The following BRCA1 variants were observed in gnomAD, a reference collection of about 807,000 sequenced individuals.
The protein encoded by BRCA1 is BRCA1 DNA repair associated.
Under a neutral mutation model 173.7 loss-of-function variants are expected in BRCA1, and 140 were observed. That is an observed-to-expected ratio of 0.81 (90% CI 0.70 to 0.93). BRCA1 has a LOEUF of 0.93. Among genes scored for constraint, BRCA1 ranks in the 40% least tolerant of loss-of-function variants. The probability of loss-of-function intolerance (pLI) is 0.00; values close to 1 mark genes in which losing one functional copy is unlikely to be tolerated. For synonymous variants in BRCA1, 662 were observed against 756.0 expected, an observed-to-expected ratio of 0.88 and a Z score of 2.04; for missense variants, 1,983 against 2,172.5, an observed-to-expected ratio of 0.91 and a Z score of 1.73.
At chr17:43,087,523 A>G (rs1183453575) in intron 11 of BRCA1, among the ~76,000 whole-genome samples, 1 of 151,996 alleles carries the variant, frequency 6.6e-6, no homozygotes, top group Non-Finnish European at 1.5e-5. Context: ...TTAGCTGGGC[A>G]TGGTGGCACA....
intron 11 of BRCA1, chr17:43,082,871 A>G: frequency 2.4e-6 from 1 of 419,464 alleles, no homozygotes; most frequent in Non-Finnish European, 4.4e-6. Flanking sequence ...GGGAGTGAAA[A>G]AATAATTAAG....
Position 43,093,892 on chromosome 17 carries a change from T to G in BRCA1, c.1639A>C (p.Asn547His), listed in dbSNP as rs1060502351. Residue 547 changes from asparagine (N) to histidine (H), a missense_variant, in exon 10 of 23, where the codon AAT becomes CAT. By Grantham distance (68) the Asn-to-His change is moderately conservative (BLOSUM62 1). Coordinates refer to ENST00000357654, the MANE Select transcript of BRCA1 (RefSeq NM_007294.4). ...TTCTCATGACCACTATTAGTAATAT[T>G]CATCACTTGACCATTCTGCTCCGTT... ...NQTEQNGQVM[N>H]ITNSGHENKT... 6.2e-7 allele frequency: 1 copy of G among 1,613,840 alleles called. No homozygotes were observed. The highest frequency in any genetic ancestry group is 1.3e-5 in the African/African-American group (1 of 74,924).
chr17:43,069,046 AT>A lies in BRCA1; in HGVS notation c.4987-1352del, dbSNP rs2153749845. Among the ~76,000 whole-genome samples, 1 of 152,300 alleles carries A rather than the reference AT, an allele frequency of 6.6e-6. No homozygotes were observed. The highest frequency in any genetic ancestry group is 2.1e-4 in the South Asian group (1 of 4,830). ...CATAGCCACAGCCACTCACACCAGT[AT>A]TTACGTGTTGCACAATACTGCCATG... On this transcript the variant is annotated intron_variant, in intron 15 of 22. Coordinates refer to ENST00000357654, the MANE Select transcript of BRCA1 (RefSeq NM_007294.4).
At chr17:43,167,454 T>A (rs1331899702) in intron 1 of BRCA1, 1 of 152,194 alleles carries the variant, frequency 6.6e-6, no homozygotes, top group Non-Finnish European at 1.5e-5. Context: ...GGGGGCTGCA[T>A]GCACCAGTAA....
At chr17:43,144,868 T>A in intron 1 of BRCA1, 1 of 515,380 alleles carries the variant, frequency 1.9e-6, no homozygotes. Flanking sequence ...GCGGGAGGAG[T>A]GGCAGCGGCC....
intron 8 of BRCA1, among the ~76,000 whole-genome samples, chr17:43,096,133 T>C (rs992120364): frequency 1.2e-4 from 19 of 152,008 alleles, no homozygotes; most frequent in African/African-American, 4.6e-4. Context: ...TTCCAGCACT[T>C]TGGGAGGCTG....
At chr17:43,136,536 C>CT (rs1302346272) in intron 1 of BRCA1, among the ~76,000 whole-genome samples, 3 of 152,174 alleles carry the variant, frequency 2.0e-5, no homozygotes, top group African/African-American at 7.2e-5. Flanking sequence ...ATCTACCCAT[C>CT]TGACAAAGGG....
rs80357371 is a variant in BRCA1 at position 43,093,745 on chromosome 17, G to A, written c.1786C>T (p.Leu596Phe). ...PISSSISNME[L>F]ELNIHNSKAP... Reference sequence around the variant, plus strand: ...TTTGAATTGTGGATATTTAATTCGAGTTCCATATTGCTTATACTGCTGCTT... The same window carrying A: ...TTTGAATTGTGGATATTTAATTCGAATTCCATATTGCTTATACTGCTGCTT... The change falls in exon 10 of 23, where the codon CTC (leucine) becomes TTC (phenylalanine). Residue 596 changes from leucine (L) to phenylalanine (F), a missense_variant. By Grantham distance (22) the Leu-to-Phe change is conservative. Transcript: ENST00000357654. The A allele has an allele frequency of 2.5e-6, 4 of 1,613,926 alleles. No homozygotes were observed. Among genetic ancestry groups the A allele is most frequent in the Admixed American group, 1.7e-5 (1 of 60,002 alleles).
At chr17:43,054,734 C>T (rs567549846) in intron 19 of BRCA1, among the ~76,000 whole-genome samples, 4 of 139,176 alleles carry the variant, frequency 2.9e-5, no homozygotes, top group African/African-American at 1.2e-4. Flanking sequence ...AGCCGCTGTG[C>T]CCAGCTGGGA....
chr17:43,056,661 A>G (rs192408582), intron 19 of BRCA1, among the ~76,000 whole-genome samples: 2 of 150,804 alleles, frequency 1.3e-5, no homozygotes, highest in Admixed American at 1.3e-4. Flanking sequence ...CAATGGAGTG[A>G]GACTCCGTCT....
At chr17:43,075,594 G>C (rs1430839087) in intron 13 of BRCA1, among the ~76,000 whole-genome samples, 2 of 151,214 alleles carry the variant, frequency 1.3e-5, no homozygotes, top group African/African-American at 4.9e-5. Context: ...ACGGAGTCTT[G>C]CTCTGTCGCC....
intron 18 of BRCA1, 129 bp from the exon 19 acceptor site, chr17:43,057,264 C>T: frequency 1.2e-6 from 1 of 834,448 alleles, no homozygotes; most frequent in Non-Finnish European, 2.1e-6. Context: ...AATCCTAGCA[C>T]TTTGGGAGAC....
At chr17:43,154,452 C>G in intron 1 of BRCA1, among the ~76,000 whole-genome samples, 1 of 151,998 alleles carries the variant, frequency 6.6e-6, no homozygotes, top group African/African-American at 2.4e-5. Flanking sequence ...CCACTGCACT[C>G]CAGCTTGGGT....
chr17:43,079,522 T>G, intron 12 of BRCA1: 1 of 1,072,498 alleles, frequency 9.3e-7, no homozygotes, highest in African/African-American at 1.5e-5. Context: ...GCTGTTGGCA[T>G]CGCTGTAAAC....
chr17:43,132,231 A>T (rs1248416258), intron 1 of BRCA1, among the ~76,000 whole-genome samples: 2 of 152,060 alleles, frequency 1.3e-5, no homozygotes, highest in African/African-American at 4.8e-5. Flanking sequence ...GGGGGTTGTG[A>T]CTGACTTCTC....
intron 3 of BRCA1, among the ~76,000 whole-genome samples, chr17:43,106,789 A>T (rs1363705811): frequency 1.3e-5 from 2 of 152,228 alleles, no homozygotes; most frequent in African/African-American, 4.8e-5. Flanking sequence ...TGATCACATA[A>T]AACTTAATAA....
At chr17:43,076,764 C>A in intron 12 of BRCA1, 150 bp from the exon 13 acceptor site, 1 of 769,186 alleles carries the variant, frequency 1.3e-6, no homozygotes, top group Non-Finnish European at 2.1e-6. Flanking sequence ...TTTATAAACA[C>A]AAGCAATGCA....
chr17:43,137,615 T>C (rs2056037897), intron 1 of BRCA1, among the ~76,000 whole-genome samples: 1 of 152,128 alleles, frequency 6.6e-6, no homozygotes. Flanking sequence ...GCACAGTGGC[T>C]CATGCCTTTA....
intron 15 of BRCA1, among the ~76,000 whole-genome samples, chr17:43,068,829 G>A (rs568430563): frequency 1.3e-5 from 2 of 152,236 alleles, no homozygotes; most frequent in African/African-American, 4.8e-5. Flanking sequence ...CAATTCTCTC[G>A]TAAGAAGGCT....
Sources: allele counts gnomAD v4.1 joint callset (sites outside exome capture counted in the v4.1 genomes callset), GRCh38; gene constraint gnomAD v4.1.1; transcripts MANE v1.5; gene names NCBI Gene and HGNC (gene_info 2026-07-23, HGNC 2026-07-21).